GRIA4: variants seen among roughly 807,000 people sequenced by gnomAD.
GRIA4 encodes glutamate receptor 4.
A neutral mutation model predicts 104.0 loss-of-function variants in GRIA4; 34 were observed. That is an observed-to-expected ratio of 0.33 (90% confidence interval 0.25 to 0.44). The LOEUF is 0.44. GRIA4 is among the 20% of genes least tolerant of loss of function. GRIA4 has a pLI of 1.00. For missense variants in GRIA4, 750 were observed against 1,096.5 expected (o/e 0.68, Z 4.46); for synonymous variants, 386 against 381.9 (o/e 1.01, Z -0.13).
chr11:105,897,333 G>A (rs1946686056), intron 6 of GRIA4, among the ~76,000 whole-genome samples: 1 of 152,020 alleles, frequency 6.6e-6, no homozygotes, highest in Non-Finnish European at 1.5e-5. Context: ...GGATTTTCTA[G>A]GTGTAGGATG....
intron 4 of GRIA4, among the ~76,000 whole-genome samples, chr11:105,795,181 C>T (rs1233977970): frequency 1.3e-5 from 2 of 152,008 alleles, no homozygotes; most frequent in East Asian, 3.9e-4. Context: ...AAGCGTAGTT[C>T]TGAGAAAAGA....
intron 14 of GRIA4, among the ~76,000 whole-genome samples, chr11:105,959,148 T>C (rs1370024702): frequency 6.6e-6 from 1 of 152,198 alleles, no homozygotes; most frequent in East Asian, 1.9e-4. Flanking sequence ...TGAATTTGAA[T>C]GTTGGCTTGT....
intron 3 of GRIA4, among the ~76,000 whole-genome samples, chr11:105,693,559 T>C (rs1953164488): frequency 6.6e-6 from 1 of 152,206 alleles, no homozygotes; most frequent in Non-Finnish European, 1.5e-5. Context: ...ATTTTTTTCC[T>C]GCATATTTAC....
chr11:105,709,158 G>A (rs1953818363), intron 3 of GRIA4, among the ~76,000 whole-genome samples: 1 of 152,056 alleles, frequency 6.6e-6, no homozygotes, highest in African/African-American at 2.4e-5. Flanking sequence ...AAGGATTCAG[G>A]AGCTACAAAT....
chr11:105,912,035 A>C (rs1947264183), intron 10 of GRIA4: 1 of 1,167,624 alleles, frequency 8.6e-7, no homozygotes, highest in Non-Finnish European at 1.1e-6. Flanking sequence ...ACTCTGGACT[A>C]CCAGAAAAAA....
Position 105,791,317 on chromosome 11 carries a change from T to C in GRIA4, c.487+38097T>C, listed in dbSNP as rs552849141. On this transcript the variant is annotated intron_variant, in intron 4 of 16. Coordinates refer to ENST00000282499, the MANE Select transcript of GRIA4 (RefSeq NM_000829.4). ...GAAATAATTGTGATATGCATTTATA[T>C]TCATATCAATACTAATATGTCCAAA... is the stretch of plus-strand genomic sequence containing the variant. Among the ~76,000 whole-genome samples, 12 of 152,296 alleles carry C rather than the reference T, an allele frequency of 7.9e-5. No homozygotes were observed. The East Asian group carries it at 1.9e-3, about 24-fold the overall frequency.
At chr11:105,610,757 T>C in intron 1 of GRIA4, 151 bp from the exon 2 acceptor site, 1 of 497,248 alleles carries the variant, frequency 2.0e-6, no homozygotes, top group Admixed American at 3.3e-5. Context: ...CTCCCAGGGC[T>C]ATGGAGACTG....
chr11:105,893,502 G>A (rs544899102), intron 6 of GRIA4, among the ~76,000 whole-genome samples: 1 of 152,178 alleles, frequency 6.6e-6, no homozygotes, highest in South Asian at 2.1e-4. Context: ...GAAATTAACT[G>A]AGCCACCCAC....
rs752200550 is a variant in GRIA4 at position 105,892,150 on chromosome 11, A to AT, written c.726+4581dup. ...TAGGGAATAATGCCACCAAGTGACC[A>AT]TTTACTTAATCATCTCCCACAGCAC... is the stretch of plus-strand genomic sequence containing the variant. On this transcript the variant is annotated intron_variant, in intron 6 of 16. Coordinates refer to ENST00000282499, the MANE Select transcript of GRIA4 (RefSeq NM_000829.4). Among the ~76,000 whole-genome samples, 45 of 152,270 alleles carry AT rather than the reference A, an allele frequency of 3.0e-4. No homozygotes were observed. In the South Asian group the frequency reaches 3.5e-3, roughly 12 times the overall value.
chr11:105,709,810 G>A (rs1428602730), intron 3 of GRIA4, among the ~76,000 whole-genome samples: 1 of 152,098 alleles, frequency 6.6e-6, no homozygotes, highest in Non-Finnish European at 1.5e-5. Flanking sequence ...TGTGGAGGCA[G>A]TACGTAGATT....
At chr11:105,881,988 A>G (rs769670242) in intron 5 of GRIA4, among the ~76,000 whole-genome samples, 16 of 152,052 alleles carry the variant, frequency 1.1e-4, no homozygotes, top group Admixed American at 3.3e-4. Context: ...CTTGCCTTAT[A>G]TTTTTCTTTT....
At chr11:105,659,767 A>C (rs1467940874) in intron 3 of GRIA4, among the ~76,000 whole-genome samples, 2 of 151,902 alleles carry the variant, frequency 1.3e-5, no homozygotes, top group African/African-American at 4.8e-5. Flanking sequence ...ATGGCAGTAG[A>C]CACCAGACTT....
intron 6 of GRIA4, among the ~76,000 whole-genome samples, chr11:105,890,861 A>T (rs544949909): frequency 6.6e-6 from 1 of 152,346 alleles, no homozygotes; most frequent in East Asian, 1.9e-4. Context: ...ACTTGCTAGA[A>T]ATGAAAGATT....
At chr11:105,932,913 A>G (rs1406239556) in intron 13 of GRIA4, among the ~76,000 whole-genome samples, 2 of 152,060 alleles carry the variant, frequency 1.3e-5, no homozygotes, top group African/African-American at 4.8e-5. Context: ...AGAATCATGT[A>G]CACTAAAATT....
intron 3 of GRIA4, among the ~76,000 whole-genome samples, chr11:105,728,012 A>G (rs548670881): frequency 7.2e-5 from 11 of 152,322 alleles, no homozygotes; most frequent in African/African-American, 2.4e-4. Flanking sequence ...ACAGGATCCA[A>G]TTCACACATA....
intron 4 of GRIA4, among the ~76,000 whole-genome samples, chr11:105,761,413 T>C (rs1053717538): frequency 4.6e-5 from 7 of 152,198 alleles, no homozygotes; most frequent in African/African-American, 1.7e-4. Context: ...ACTAAGTACT[T>C]TACTATGTCT....
intron 4 of GRIA4, among the ~76,000 whole-genome samples, chr11:105,818,292 T>G (rs896207056): frequency 3.3e-5 from 5 of 152,120 alleles, no homozygotes; most frequent in Non-Finnish European, 7.4e-5. Flanking sequence ...TCCCACAGAC[T>G]GTTGGAAGTG....
At chr11:105,682,707 A>G (rs560379721) in intron 3 of GRIA4, among the ~76,000 whole-genome samples, 1 of 152,160 alleles carries the variant, frequency 6.6e-6, no homozygotes, top group African/African-American at 2.4e-5. Context: ...TACTGTTCAG[A>G]TGGTAGTTAG....
intron 14 of GRIA4, among the ~76,000 whole-genome samples, chr11:105,946,096 A>G (rs1948302710): frequency 6.6e-6 from 1 of 152,082 alleles, no homozygotes; most frequent in African/African-American, 2.4e-5. Flanking sequence ...GGGAGGAAAT[A>G]TTGTGTTGAG....
Sources: gnomAD v4.1 joint callset for allele counts (sites outside exome capture counted in the v4.1 genomes callset) on GRCh38, gnomAD v4.1.1 for gene constraint, MANE v1.5 for transcripts, NCBI Gene and HGNC (gene_info 2026-07-23, HGNC 2026-07-21) for gene names.